Variants in RNF139 observed in about 807,000 individuals in gnomAD.
RNF139 encodes ring finger protein 139, also known as E3 ubiquitin-protein ligase RNF139.
A neutral mutation model predicts 49.5 loss-of-function variants in RNF139; 15 were observed. The observed-to-expected ratio is 0.30, with a 90% CI of 0.20 to 0.47. The LOEUF (loss-of-function observed/expected upper bound fraction) is 0.47. Among genes scored for constraint, RNF139 ranks in the 20% least tolerant of loss-of-function variants. The probability of loss-of-function intolerance (pLI) is 1.00; values close to 1 mark genes in which losing one functional copy is unlikely to be tolerated. For missense variants in RNF139, 619 were observed against 806.3 expected (o/e 0.77, Z 2.81); for synonymous variants, 325 against 300.9 (o/e 1.08, Z -0.83).
In RNF139 at chr8:124,488,568, G is replaced by T; in HGVS notation, c.*924G>T. 1 of 1,181,676 alleles carries T rather than the reference G, an allele frequency of 8.5e-7. No individual in the cohort carries two copies. The highest frequency in any genetic ancestry group is 1.2e-6 in the Non-Finnish European group (1 of 815,738). The allele number at this position is 1,181,676 out of a possible 1,614,324, so 73.2% of individuals were successfully genotyped here. Reference sequence around the variant, plus strand: ...TTTTACTATGAAATTTTACATACATGATGGAAAGTGGAAGACATATACCAA... The same window carrying T: ...TTTTACTATGAAATTTTACATACATTATGGAAAGTGGAAGACATATACCAA... On this transcript the variant is annotated 3_prime_UTR_variant, in exon 2 of 2. Coordinates refer to ENST00000303545, the MANE Select transcript of RNF139 (RefSeq NM_007218.4).
Position 124,475,080 on chromosome 8 carries a change from G to T in RNF139, c.-30G>T. The stretch of plus-strand genomic sequence containing the variant: ...GCCCTGCCCCGCGCGGCCCTGCCCG[G>T]CCCACCGAGCCCTGGTGTGGCAGCG... On this transcript the variant is annotated 5_prime_UTR_variant, in exon 1 of 2. Transcript: ENST00000303545. The T allele has an allele frequency of 6.8e-7, 1 of 1,473,714 alleles. No individual in the cohort carries two copies. The highest frequency in any genetic ancestry group is 9.0e-7 in the Non-Finnish European group (1 of 1,116,144). 91.3% of individuals were successfully genotyped at this position (1,473,714 alleles called of 1,614,324 possible). A position where few individuals can be genotyped will look rare whatever the true frequency, so the allele number is the denominator to read the frequency against.
At position 124,485,981 on chromosome 8, in the gene RNF139, C is replaced by T. The variant is rs766455684; in HGVS notation, c.332C>T (p.Thr111Met). The T allele has an allele frequency of 3.1e-6, 5 of 1,614,030 alleles. No individual in the cohort carries two copies. The highest frequency in any genetic ancestry group is 3.4e-6 in the Non-Finnish European group (4 of 1,180,004). Reference sequence around the variant, plus strand: ...ATTGACTTCTATGGTGCCTACAACACGTCAGCTTTTGGAATTGAGCTGCTT... The same window carrying T: ...ATTGACTTCTATGGTGCCTACAACATGTCAGCTTTTGGAATTGAGCTGCTT... ...LHIDFYGAYNTSAFGIELLPR... is the reference protein window; with the variant it reads ...LHIDFYGAYNMSAFGIELLPR... The change falls in exon 2 of 2, where the codon ACG becomes ATG. Residue 111 changes from threonine (T) to methionine (M), a missense_variant. Thr to Met is a moderately conservative substitution (Grantham distance 81). Coordinates refer to ENST00000303545, the MANE Select transcript of RNF139 (RefSeq NM_007218.4).
intron 1 of RNF139, among the ~76,000 whole-genome samples, chr8:124,482,330 T>G (rs1030519604): frequency 6.6e-5 from 10 of 152,122 alleles, no homozygotes; most frequent in African/African-American, 2.4e-4. Flanking sequence ...AGTTATAAAA[T>G]TATGGCAAAG....
At chr8:124,482,896 A>G (rs1816441452) in intron 1 of RNF139, among the ~76,000 whole-genome samples, 3 of 142,532 alleles carry the variant, frequency 2.1e-5, no homozygotes. Flanking sequence ...ATTGCACTCC[A>G]GCCTGGGCAA....
In RNF139 at chr8:124,479,566, GCGGA is replaced by G. The variant is rs1816371832; in HGVS notation, c.181+4277_181+4280del. 2.6e-5 allele frequency among the ~76,000 whole-genome samples: 4 copies of G among 152,230 alleles called. No individual in the cohort carries two copies. In the South Asian group the frequency reaches 8.3e-4, roughly 32 times the overall value. On this transcript the variant is annotated intron_variant, in intron 1 of 1. Transcript: ENST00000303545. ...TTTTGGACAGGATAATTCTTTGTTT[GCGGA>G]TGGGAGCTCTCCTGTGCACTGTAAG...
Position 124,474,976 on chromosome 8 carries a change from G to T in RNF139, c.-134G>T, listed in dbSNP as rs1248443417. 1 of 507,368 alleles carries T rather than the reference G, an allele frequency of 2.0e-6. No homozygotes were observed. Among genetic ancestry groups the T allele is most frequent in the African/African-American group, 2.0e-5 (1 of 49,518 alleles). The allele number at this position is 507,368 out of a possible 1,614,324, so 31.4% of individuals were successfully genotyped here. A position where few individuals can be genotyped will look rare whatever the true frequency, so the allele number is the denominator to read the frequency against. The stretch of plus-strand genomic sequence containing the variant: ...GGGACGCGAGCGGGCGGCGGGGCTG[G>T]CCGTGAGAGAGACAGGAGAGGAAGG... On this transcript the variant is annotated 5_prime_UTR_variant, in exon 1 of 2. Transcript: ENST00000303545. The surrounding 1 kb of genome is among the most constrained non-coding windows in gnomAD (Gnocchi z 4.6).
chr8:124,477,035 A>C (rs953567557), intron 1 of RNF139, among the ~76,000 whole-genome samples: 2 of 152,196 alleles, frequency 1.3e-5, no homozygotes, highest in Non-Finnish European at 2.9e-5. Flanking sequence ...CTTTTAAAAG[A>C]TGGAGAGTGA....
At chr8:124,485,745 A>G (rs1181092658) in intron 1 of RNF139, 86 bp from the exon 2 acceptor site, 1 of 1,119,786 alleles carries the variant, frequency 8.9e-7, no homozygotes, top group African/African-American at 1.6e-5. Context: ...CATATTTCCT[A>G]ATTAAAGGAA....
chr8:124,475,356 G>A, intron 1 of RNF139, 66 bp downstream of exon 1: 1 of 1,528,342 alleles, frequency 6.5e-7, no homozygotes, highest in South Asian at 1.2e-5. Flanking sequence ...CCGGGGAGCG[G>A]GCAGGCGCGC....
At chr8:124,476,381 A>C (rs1415679582) in intron 1 of RNF139, among the ~76,000 whole-genome samples, 1 of 152,130 alleles carries the variant, frequency 6.6e-6, no homozygotes, top group East Asian at 1.9e-4. Context: ...TGGTATTGTC[A>C]TTTTACAAAC....
Position 124,486,447 on chromosome 8 carries a change from CTTT to C in RNF139, c.799_801del (p.Phe267del), listed in dbSNP as rs765407676. On this transcript the variant is annotated inframe_deletion, in exon 2 of 2. Coordinates refer to ENST00000303545, the MANE Select transcript of RNF139 (RefSeq NM_007218.4). ...GGATGGCAAATGAAACTGATTCCTT[CTTT>C]ATTTCTTGGGATGATTTTTGGGACC... The C allele has an allele frequency of 8.1e-6, 13 of 1,613,946 alleles. No homozygotes were observed. The highest frequency in any genetic ancestry group is 1.6e-4 in the Middle Eastern group (1 of 6,084).
intron 1 of RNF139, 96 bp from the exon 2 acceptor site, chr8:124,485,731 TATTC>T: frequency 9.7e-7 from 1 of 1,029,490 alleles, no homozygotes; most frequent in South Asian, 1.7e-5. Context: ...TAACTGAAAA[TATTC>T]ATATTTCCTA....
intron 1 of RNF139, among the ~76,000 whole-genome samples, chr8:124,481,798 A>G (rs529452733): frequency 6.6e-6 from 1 of 152,292 alleles, no homozygotes; most frequent in African/African-American, 2.4e-5. Context: ...TTAGACCTAC[A>G]GTTTAAATAC....
rs1816286474 is a variant in RNF139, at chr8:124,475,078, C to G, written c.-32C>G. On this transcript the variant is annotated 5_prime_UTR_variant, in exon 1 of 2. Transcript: ENST00000303545. ...GGGCCCTGCCCCGCGCGGCCCTGCC[C>G]GGCCCACCGAGCCCTGGTGTGGCAG... 2 of 1,467,222 alleles carry G rather than the reference C, an allele frequency of 1.4e-6. No homozygotes were observed. Among genetic ancestry groups the G allele is most frequent in the South Asian group, 2.7e-5 (2 of 75,198 alleles). The allele number at this position is 1,467,222 out of a possible 1,614,324, so 90.9% of individuals were successfully genotyped here. A position where few individuals can be genotyped will look rare whatever the true frequency, so the allele number is the denominator to read the frequency against.
In RNF139 at chr8:124,476,125, A is replaced by G. The variant is rs192923019; in HGVS notation, c.181+835A>G. ...GAGGTAATTCTGGTGATCGGTCTTA[A>G]GTAGGCTAGTGCTTTTGAAGTGTTG... On this transcript the variant is annotated intron_variant, in intron 1 of 1. Transcript: ENST00000303545. Among the ~76,000 whole-genome samples the G allele has an allele frequency of 3.0e-4, 46 of 152,332 alleles. No homozygotes were observed. The East Asian group carries it at 3.5e-3, about 11-fold the overall frequency.
In RNF139 at chr8:124,478,374, T is replaced by C. The variant is rs943689199; in HGVS notation, c.181+3084T>C. Among the ~76,000 whole-genome samples the C allele has an allele frequency of 2.0e-5, 3 of 151,934 alleles. No homozygotes were observed. The East Asian group carries it at 5.8e-4, about 30-fold the overall frequency. ...GCTCACGCCTATAATCCCAGCACTT[T>C]GGGAGGCTGAGGCAGGCAGATTGCT... is the stretch of plus-strand genomic sequence containing the variant. On this transcript the variant is annotated intron_variant, in intron 1 of 1. Coordinates refer to ENST00000303545, the MANE Select transcript of RNF139 (RefSeq NM_007218.4).
At chr8:124,476,666 C>T (rs4330675) in intron 1 of RNF139, among the ~76,000 whole-genome samples, 13,341 of 152,174 alleles carry the variant, frequency 0.088, 656 homozygotes, top group East Asian at 0.16. Context: ...TATACCACCA[C>T]CATAATTTGT....
chr8:124,477,601 A>C (rs1250410791), intron 1 of RNF139, among the ~76,000 whole-genome samples: 1 of 152,228 alleles, frequency 6.6e-6, no homozygotes, highest in African/African-American at 2.4e-5. Context: ...TTCATTTGAT[A>C]TCAAACTAAT....
chr8:124,485,931 G>A lies in RNF139; in HGVS notation c.282G>A (p.Leu94=). The change falls in exon 2 of 2, where the codon TTG becomes TTA. Residue 94 remains leucine, a synonymous_variant. Coordinates refer to ENST00000303545, the MANE Select transcript of RNF139 (RefSeq NM_007218.4). ...SAFLLAATSV[L]VNYYASLHID... ...TTCTGTTAGCTGCAACTTCAGTGTT[G>A]GTGAATTATTATGCTTCTTTGCACA... is the stretch of plus-strand genomic sequence containing the variant. The A allele has an allele frequency of 1.2e-6, 2 of 1,614,102 alleles. No homozygotes were observed. Among genetic ancestry groups the A allele is most frequent in the Non-Finnish European group, 1.7e-6 (2 of 1,180,012 alleles).
Sources: allele counts gnomAD v4.1 joint callset (sites outside exome capture counted in the v4.1 genomes callset), GRCh38; gene constraint gnomAD v4.1.1; non-coding constraint Gnocchi (gnomAD v3.1); transcripts MANE v1.5; gene names NCBI Gene and HGNC (gene_info 2026-07-23, HGNC 2026-07-21).